Variants in ZMYM2 observed in about 807,000 individuals in gnomAD.
ZMYM2 encodes zinc finger MYM-type containing 2, also known as zinc finger MYM-type protein 2.
In ZMYM2, 56 loss-of-function variants were observed where a neutral mutation model predicts 162.8. The observed-to-expected ratio is 0.34, with a 90% CI of 0.28 to 0.43. ZMYM2 has a LOEUF of 0.43. Among genes scored for constraint, ZMYM2 ranks in the 20% least tolerant of loss-of-function variants. The probability of loss-of-function intolerance (pLI) is 1.00; values close to 1 mark genes in which losing one functional copy is unlikely to be tolerated. For synonymous variants in ZMYM2, 510 were observed against 541.6 expected, an observed-to-expected ratio of 0.94 and a Z score of 0.81; for missense variants, 1,275 against 1,621.8, an observed-to-expected ratio of 0.79 and a Z score of 3.67.
chr13:19,954,309 T>C (rs996289009), upstream of ZMYM2, among the ~76,000 whole-genome samples: 3 of 151,284 alleles, frequency 2.0e-5, no homozygotes, highest in African/African-American at 7.3e-5. Context: ...TTTGTATTTT[T>C]AGTAGAGACG....
At chr13:19,957,057 T>C (rs1954564426), upstream of ZMYM2, among the ~76,000 whole-genome samples, 1 of 152,228 alleles carries the variant, frequency 6.6e-6, no homozygotes, top group Non-Finnish European at 1.5e-5. Flanking sequence ...TTTGAAAAGC[T>C]GGTTCAAGTA....
At chr13:19,969,428 A>G (rs893911521) in intron 2 of ZMYM2, among the ~76,000 whole-genome samples, 7 of 152,246 alleles carry the variant, frequency 4.6e-5, no homozygotes, top group South Asian at 2.1e-4. Flanking sequence ...GATTGTACAG[A>G]GTAATTTACT....
chr13:19,970,134 A>G, intron 2 of ZMYM2: 3 of 871,396 alleles, frequency 3.4e-6, no homozygotes, highest in Non-Finnish European at 4.1e-6. Context: ...TTTGTTATCA[A>G]AAACAGTCAT....
chr13:19,918,568 G>A, the ZMYM2 span, among the ~76,000 whole-genome samples: 1 of 123,296 alleles, frequency 8.1e-6, no homozygotes, highest in Non-Finnish European at 1.6e-5. Context: ...GCATGATCTT[G>A]GCTCACTGCA....
the ZMYM2 span, among the ~76,000 whole-genome samples, chr13:19,928,833 C>T: frequency 6.6e-6 from 1 of 151,660 alleles, no homozygotes; most frequent in Non-Finnish European, 1.5e-5. Context: ...TTAGTAGAGA[C>T]AGGGTTTCAC....
At chr13:19,954,319 G>A (rs1364402745), upstream of ZMYM2, among the ~76,000 whole-genome samples, 4 of 150,692 alleles carry the variant, frequency 2.7e-5, no homozygotes, top group African/African-American at 4.9e-5. Context: ...TAGTAGAGAC[G>A]GGGTTTCACC....
the ZMYM2 span, among the ~76,000 whole-genome samples, chr13:19,935,406 G>GCCAGAACACTAC: frequency 6.6e-6 from 1 of 152,156 alleles, no homozygotes; most frequent in African/African-American, 2.4e-5. Flanking sequence ...CAAAGTGTTG[G>GCCAGAACACTAC]GATTACAGGC....
intron 14 of ZMYM2, among the ~76,000 whole-genome samples, chr13:20,057,390 G>A (rs960654127): frequency 1.3e-5 from 2 of 151,960 alleles, no homozygotes; most frequent in African/African-American, 2.4e-5. Context: ...CGCCTGTCCC[G>A]GCCTCCCAGA....
chr13:20,065,674 C>T (rs555068058), intron 19 of ZMYM2, among the ~76,000 whole-genome samples: 2 of 152,142 alleles, frequency 1.3e-5, no homozygotes, highest in South Asian at 2.1e-4. Flanking sequence ...CATGGTGGCA[C>T]GTGCCTGCAG....
the ZMYM2 span, among the ~76,000 whole-genome samples, chr13:19,937,195 C>T: frequency 6.6e-6 from 1 of 151,590 alleles, no homozygotes; most frequent in African/African-American, 2.4e-5. Flanking sequence ...GTCGCCCAGG[C>T]TGGAGTGCAA....
intron 2 of ZMYM2, among the ~76,000 whole-genome samples, chr13:19,973,438 A>C (rs547810596): frequency 6.6e-6 from 1 of 151,970 alleles, no homozygotes; most frequent in African/African-American, 2.4e-5. Flanking sequence ...TGGGAGGCCA[A>C]GGCAGGTGGA....
chr13:19,962,144 T>C (rs1955289116), intron 2 of ZMYM2, among the ~76,000 whole-genome samples: 1 of 152,320 alleles, frequency 6.6e-6, no homozygotes, highest in Middle Eastern at 3.4e-3. Context: ...TGAACATTTT[T>C]AACTTCTGTG....
chr13:19,923,310 T>A, the ZMYM2 span, among the ~76,000 whole-genome samples: 1 of 118,696 alleles, frequency 8.4e-6, no homozygotes, highest in Admixed American at 1.2e-4. Flanking sequence ...TGAGCCGAGA[T>A]CGCGCCACTG....
the ZMYM2 span, among the ~76,000 whole-genome samples, chr13:19,935,178 AG>A: frequency 2.0e-5 from 3 of 152,168 alleles, no homozygotes; most frequent in Non-Finnish European, 4.4e-5. Flanking sequence ...TCTGTAGCCC[AG>A]GCTGGAGTGC....
intron 6 of ZMYM2, among the ~76,000 whole-genome samples, chr13:20,017,968 T>G (rs903530811): frequency 2.0e-5 from 3 of 152,200 alleles, no homozygotes; most frequent in Admixed American, 1.3e-4. Context: ...GATTTTTTTA[T>G]TTGAAACTTG....
the ZMYM2 span, among the ~76,000 whole-genome samples, chr13:19,866,529 G>C: frequency 6.6e-6 from 1 of 151,848 alleles, no homozygotes; most frequent in Non-Finnish European, 1.5e-5. Context: ...GCCGGGCGTG[G>C]TGGCGCATGC....
In ZMYM2 at chr13:20,040,039, T is replaced by TA. The variant is rs770316568; in HGVS notation, c.2292+3130_2292+3131insA. Among the ~76,000 whole-genome samples, 175 of 152,308 alleles carry TA rather than the reference T, an allele frequency of 1.1e-3. 1 individual carries two copies. The highest frequency in any genetic ancestry group is 0.01 in the Middle Eastern group (3 of 294). On this transcript the variant is annotated intron_variant, in intron 12 of 24. Coordinates refer to ENST00000610343, the MANE Select transcript of ZMYM2 (RefSeq NM_197968.4). Reference sequence around the variant, plus strand: ...TTGATGTTCATTAAGGATATTGACTTGAAGTTTTCTTTTCTGGTTGTGTCT... The same window carrying TA: ...TTGATGTTCATTAAGGATATTGACTTAGAAGTTTTCTTTTCTGGTTGTGTCT...
At chr13:20,071,884 T>G (rs929758096) in intron 21 of ZMYM2, 3 of 188,388 alleles carry the variant, frequency 1.6e-5, no homozygotes, top group African/African-American at 7.0e-5. Flanking sequence ...AACATTGATG[T>G]TCGTTCAAGG....
chr13:19,866,317 G>A, the ZMYM2 span, among the ~76,000 whole-genome samples: 1 of 152,106 alleles, frequency 6.6e-6, no homozygotes, highest in Non-Finnish European at 1.5e-5. Flanking sequence ...ATTAATAAAA[G>A]CTTGTAAATT....
Sources: allele counts gnomAD v4.1 joint callset (sites outside exome capture counted in the v4.1 genomes callset), GRCh38; gene constraint gnomAD v4.1.1; transcripts MANE v1.5; gene names NCBI Gene and HGNC (gene_info 2026-07-23, HGNC 2026-07-21).